CYLD: variants seen among roughly 807,000 people sequenced by gnomAD.
CYLD encodes the protein ubiquitin carboxyl-terminal hydrolase CYLD.
A neutral mutation model predicts 104.5 loss-of-function variants in CYLD; 26 were observed. The ratio of observed to expected loss-of-function variants is 0.25; its 90% CI spans 0.18 to 0.35. The LOEUF (loss-of-function observed/expected upper bound fraction) is 0.35, where lower values mean the gene tolerates loss of function less well. CYLD is among the 10% of genes least tolerant of loss of function. The probability of loss-of-function intolerance (pLI) is 1.00; values close to 1 mark genes in which losing one functional copy is unlikely to be tolerated. For synonymous variants in CYLD, 385 were observed against 399.9 expected (o/e 0.96, Z 0.45); for missense variants, 703 against 1,136.1 (o/e 0.62, Z 5.48).
chr16:50,742,638 A>T (rs1965803530), intron 1 of CYLD, 124 bp from the exon 2 acceptor site: 1 of 349,284 alleles, frequency 2.9e-6, no homozygotes, highest in African/African-American at 2.1e-5. Context: ...CGGGGCTGTG[A>T]TTCCTACCGA....
intron 5 of CYLD, among the ~76,000 whole-genome samples, chr16:50,767,989 G>A (rs1036445818): frequency 7.9e-5 from 12 of 152,152 alleles, no homozygotes; most frequent in African/African-American, 2.4e-4. Flanking sequence ...TATTGGTGGA[G>A]GATTGAGATA....
At chr16:50,752,019 T>C in intron 4 of CYLD, 113 bp downstream of exon 4, 1 of 286,288 alleles carries the variant, frequency 3.5e-6, no homozygotes, top group Non-Finnish European at 5.7e-6. Context: ...CATATATATG[T>C]ATAGTTTATA....
chr16:50,789,105 G>A (rs1439457202), intron 14 of CYLD, among the ~76,000 whole-genome samples: 2 of 152,134 alleles, frequency 1.3e-5, no homozygotes, highest in Non-Finnish European at 2.9e-5. Flanking sequence ...AGCTACGAAG[G>A]CAAAGCAATA....
At chr16:50,752,718 G>A (rs1279938010) in intron 4 of CYLD, among the ~76,000 whole-genome samples, 1 of 152,096 alleles carries the variant, frequency 6.6e-6, no homozygotes, top group African/African-American at 2.4e-5. Context: ...TGATTTCTCT[G>A]TCTGAATTTG....
intron 7 of CYLD, among the ~76,000 whole-genome samples, chr16:50,777,508 T>A (rs915886776): frequency 1.3e-5 from 2 of 152,194 alleles, no homozygotes; most frequent in Admixed American, 6.6e-5. Context: ...ATTTTGACAT[T>A]TAGAAATAAG....
At chr16:50,779,292 G>T (rs1018124219) in intron 8 of CYLD, among the ~76,000 whole-genome samples, 3 of 151,526 alleles carry the variant, frequency 2.0e-5, no homozygotes, top group Non-Finnish European at 4.4e-5. Context: ...TTTCTTTATT[G>T]TTAAAACGTA....
chr16:50,782,346 AAGT>A lies in CYLD; in HGVS notation c.1712_1714del (p.Val571del). On this transcript the variant is annotated inframe_deletion, in exon 11 of 19. Coordinates refer to ENST00000427738, the MANE Select transcript of CYLD (RefSeq NM_001378743.1). ...TCAGCATTTGGAGGCTACTTAAGTG[AAGT>A]AGTAGAAGAAAATACTCCACCAAAA... The A allele has an allele frequency of 6.2e-7, 1 of 1,611,880 alleles. No individual in the cohort carries two copies. Among genetic ancestry groups the A allele is most frequent in the South Asian group, 1.1e-5 (1 of 90,994 alleles).
chr16:50,795,567 C>T (rs372964548), intron 18 of CYLD: 20 of 702,832 alleles, frequency 2.8e-5, no homozygotes, highest in South Asian at 2.8e-4. Context: ...CAGATCCAGC[C>T]CCCACGGCCT....
rs761966039 is a variant in CYLD at position 50,776,241 on chromosome 16, A to C, written c.985A>C (p.Lys329Gln). The change falls in exon 7 of 19, where the codon AAA (lysine) becomes CAA (glutamine). Residue 329 changes from lysine to glutamine, a missense_variant. Transcript: ENST00000427738. Reference sequence around the variant, plus strand: ...CTTTATGTCAAGAGGTGTTGGGGACAAAGGTTCATCCAGTCATAATAAACC... The same window carrying C: ...CTTTATGTCAAGAGGTGTTGGGGACCAAGGTTCATCCAGTCATAATAAACC... ...LAFMSRGVGDKGSSSHNKPKA... is the reference protein window; with the variant it reads ...LAFMSRGVGDQGSSSHNKPKA... 1.9e-6 allele frequency: 3 copies of C among 1,613,644 alleles called. No homozygotes were observed. In the Admixed American group the frequency reaches 5.0e-5, roughly 27 times the overall value.
chr16:50,788,301 A>G (rs1260772378), intron 14 of CYLD, among the ~76,000 whole-genome samples: 1 of 152,148 alleles, frequency 6.6e-6, no homozygotes, highest in Non-Finnish European at 1.5e-5. Context: ...CCCACCCACC[A>G]TGTTGAATGA....
At chr16:50,781,979 A>C (rs918749290) in intron 10 of CYLD, among the ~76,000 whole-genome samples, 1 of 152,218 alleles carries the variant, frequency 6.6e-6, no homozygotes, top group African/African-American at 2.4e-5. Flanking sequence ...ATTATGTTGA[A>C]ATAGTACTTT....
rs886084772 is a variant in CYLD, at chr16:50,799,085, C to T, written c.*2577C>T. On this transcript the variant is annotated 3_prime_UTR_variant, in exon 19 of 19. Transcript: ENST00000427738. The stretch of plus-strand genomic sequence containing the variant: ...CTGCATGGCACAGGGGCTTATGTGC[C>T]TGCTGGTTATTTAATTTTCAGCCTT... 4.3e-6 allele frequency: 1 copy of T among 233,248 alleles called. No individual in the cohort carries two copies. The highest frequency in any genetic ancestry group is 8.5e-6 in the Non-Finnish European group (1 of 118,058). 14.4% of individuals were successfully genotyped at this position (233,248 alleles called of 1,614,324 possible). A position where few individuals can be genotyped will look rare whatever the true frequency, so the allele number is the denominator to read the frequency against.
chr16:50,745,292 A>C (rs73575796), intron 2 of CYLD, among the ~76,000 whole-genome samples: 6,116 of 150,980 alleles, frequency 0.041, 377 homozygotes, highest in African/African-American at 0.13. Context: ...GCCTTTACTT[A>C]AAGGCAGAAG....
Position 50,796,662 on chromosome 16 carries a change from G to C in CYLD, c.*154G>C, listed in dbSNP as rs1972078007. 1 of 764,188 alleles carries C rather than the reference G, an allele frequency of 1.3e-6. No individual in the cohort carries two copies. Among genetic ancestry groups the C allele is most frequent in the Non-Finnish European group, 2.2e-6 (1 of 447,964 alleles). The allele number at this position is 764,188 out of a possible 1,614,324, so 47.3% of individuals were successfully genotyped here. On this transcript the variant is annotated 3_prime_UTR_variant, in exon 19 of 19. Coordinates refer to ENST00000427738, the MANE Select transcript of CYLD (RefSeq NM_001378743.1). ...GGATGCCTCTGTTTAAAAACAAATT[G>C]CTTTTGTGTCCCTGAAGTATTTAAT...
chr16:50,786,925 G>A lies in CYLD; in HGVS notation c.2020G>A (p.Gly674Arg), dbSNP rs1475008139. The A allele has an allele frequency of 3.1e-6, 5 of 1,613,856 alleles. No individual in the cohort carries two copies. The African/African-American group carries it at 6.7e-5, about 22-fold the overall frequency. The change falls in exon 13 of 19, where the codon GGA becomes AGA. Residue 674 changes from glycine to arginine, a missense_variant. By Grantham distance (125) the Gly-to-Arg change is moderately radical. Transcript: ENST00000427738. Reference sequence around the variant, plus strand: ...ACTTGAAAAGGTGGAGGCTGCATCAGGATTTACCTCTGAAGAAAAAGGTGA... The same window carrying A: ...ACTTGAAAAGGTGGAGGCTGCATCAAGATTTACCTCTGAAGAAAAAGGTGA... ...KILEKVEAAS[G>R]FTSEEKDPEE...
intron 7 of CYLD, 66 bp downstream of exon 7, chr16:50,776,343 A>G (rs1479825210): frequency 1.2e-5 from 13 of 1,128,840 alleles, no homozygotes; most frequent in Middle Eastern, 1.9e-4. Flanking sequence ...AGCATTAAAA[A>G]AGATTATAAG....
chr16:50,766,917 C>G (rs1006698625), intron 5 of CYLD, among the ~76,000 whole-genome samples: 1 of 152,154 alleles, frequency 6.6e-6, no homozygotes, highest in Non-Finnish European at 1.5e-5. Context: ...TTGTGAACAT[C>G]GTTGAGATGA....
chr16:50,778,004 G>T, intron 8 of CYLD, 63 bp downstream of exon 8: 1 of 961,594 alleles, frequency 1.0e-6, no homozygotes, highest in South Asian at 1.3e-5. Flanking sequence ...AGAGAAAAAT[G>T]GTTTTTTATA....
In CYLD at chr16:50,780,023, A is replaced by G; in HGVS notation, c.1497A>G (p.Glu499=). Residue 499 remains glutamate (E), a synonymous_variant, in exon 9 of 19, where the codon GAA becomes GAG. Transcript: ENST00000427738. The part of the protein sequence containing the change: ...RWIGQPPGLN[E]VLAGLELEDE... ...TCGGTCAGCCACCAGGACTGAATGA[A>G]GTGCTCGCTGGACTGGAACTGGTAA... 3 of 1,614,154 alleles carry G rather than the reference A, an allele frequency of 1.9e-6. No individual in the cohort carries two copies. The highest frequency in any genetic ancestry group is 3.3e-5 in the Admixed American group (2 of 60,028).
Sources: allele counts gnomAD v4.1 joint callset (sites outside exome capture counted in the v4.1 genomes callset), GRCh38; gene constraint gnomAD v4.1.1; transcripts MANE v1.5; gene names NCBI Gene and HGNC (gene_info 2026-07-23, HGNC 2026-07-21).